The following ZNF3 variants were observed in gnomAD, a reference collection of about 807,000 sequenced individuals.
The protein encoded by ZNF3 is zinc finger protein 3, also known as C2-H2 type zinc finger protein.
Under a neutral mutation model 36.9 loss-of-function variants are expected in ZNF3, and 16 were observed. The observed-to-expected ratio is 0.43, with a 90% CI of 0.29 to 0.66. The LOEUF (loss-of-function observed/expected upper bound fraction) is 0.66, where lower values mean the gene tolerates loss of function less well. Among genes scored for constraint, ZNF3 ranks in the 30% least tolerant of loss-of-function variants. ZNF3 has a pLI of 0.13. For synonymous variants in ZNF3, 201 were observed against 201.9 expected (o/e 1.00, Z 0.04); for missense variants, 462 against 543.1 (o/e 0.85, Z 1.48).
Position 100,070,103 on chromosome 7 carries a change from C to T in ZNF3, c.*1040G>A, listed in dbSNP as rs1400716983. The stretch of plus-strand genomic sequence containing the variant: ...GGGGAGTGCCATCCTCACCCAGCAA[C>T]GAGCTCTGCTACCAGGCTCAGGCAC... On this transcript the variant is annotated 3_prime_UTR_variant, in exon 6 of 6. Coordinates refer to ENST00000299667, the MANE Select transcript of ZNF3 (RefSeq NM_032924.5). 4 of 985,628 alleles carry T rather than the reference C, an allele frequency of 4.1e-6. No homozygotes were observed. Among genetic ancestry groups the T allele is most frequent in the Admixed American group, 6.1e-5 (1 of 16,262 alleles). The allele number at this position is 985,628 out of a possible 1,614,324, so 61.1% of individuals were successfully genotyped here.
intron 3 of ZNF3, among the ~76,000 whole-genome samples, 167 bp from the exon 4 acceptor site, chr7:100,075,797 C>A (rs1461679819): frequency 6.6e-6 from 1 of 152,162 alleles, no homozygotes; most frequent in Non-Finnish European, 1.5e-5. Context: ...GTGTGTCCAA[C>A]AAAGGCAAAC....
chr7:100,075,079 A>T, intron 5 of ZNF3, 56 bp downstream of exon 5: 1 of 1,539,542 alleles, frequency 6.5e-7, no homozygotes, highest in Non-Finnish European at 8.7e-7. Flanking sequence ...TGTTACTAGC[A>T]AACGAAGAAG....
Position 100,070,558 on chromosome 7 carries a change from C to G in ZNF3, c.*585G>C, listed in dbSNP as rs908367030. On this transcript the variant is annotated 3_prime_UTR_variant, in exon 6 of 6. Transcript: ENST00000299667. Reference sequence around the variant, plus strand: ...AAACATGGTCTGGCTGCTCCAAGAGCCCTAAAGGACACCATCATCACAGAT... The same window carrying G: ...AAACATGGTCTGGCTGCTCCAAGAGGCCTAAAGGACACCATCATCACAGAT... 8 of 986,072 alleles carry G rather than the reference C, an allele frequency of 8.1e-6. No homozygotes were observed. Among genetic ancestry groups the G allele is most frequent in the Non-Finnish European group, 8.4e-6 (7 of 830,482 alleles). The allele number at this position is 986,072 out of a possible 1,614,324, so 61.1% of individuals were successfully genotyped here.
downstream of ZNF3, among the ~76,000 whole-genome samples, chr7:100,068,088 GGTT>G (rs1200775859): frequency 6.6e-6 from 1 of 152,028 alleles, no homozygotes; most frequent in Non-Finnish European, 1.5e-5. Context: ...GACATGGGCA[GGTT>G]TTTTTCTTCT....
At position 100,072,005 on chromosome 7, in the gene ZNF3, AC is replaced by A. The variant is rs760926524; in HGVS notation, c.478del (p.Val160LeufsTer5). ...RKMPDFGQVT[V>X]EEKLTPRGER... Reference sequence around the variant, plus strand: ...TCCCCTGGGGGTTAGCTTCTCCTCAACTGTCACTTGACCAAAATCTGGCATT... The same window carrying A: ...TCCCCTGGGGGTTAGCTTCTCCTCAATGTCACTTGACCAAAATCTGGCATT... On this transcript the variant is annotated frameshift_variant, in exon 6 of 6. Transcript: ENST00000299667. LOFTEE classifies it high-confidence loss of function. The A allele has an allele frequency of 6.2e-7, 1 of 1,613,948 alleles. No individual in the cohort carries two copies. The highest frequency in any genetic ancestry group is 8.5e-7 in the Non-Finnish European group (1 of 1,179,968).
In ZNF3 at chr7:100,071,038, A is replaced by G. The variant is rs1384969827; in HGVS notation, c.*105T>C. On this transcript the variant is annotated 3_prime_UTR_variant, in exon 6 of 6. Transcript: ENST00000299667. ...CCATCTGCCCCATTCTCTAAAATGA[A>G]AAGTCTGAGTTGAAAGGGACACATC... The G allele has an allele frequency of 2.7e-6, 4 of 1,495,606 alleles. No individual in the cohort carries two copies. Among genetic ancestry groups the G allele is most frequent in the Non-Finnish European group, 3.6e-6 (4 of 1,125,148 alleles). 92.6% of individuals were successfully genotyped at this position (1,495,606 alleles called of 1,614,324 possible).
At position 100,081,322 on chromosome 7, in the gene ZNF3, TAGC is replaced by T. The variant is rs1365438729; in HGVS notation, c.-198+310_-198+312del. Among the ~76,000 whole-genome samples, 1 of 152,220 alleles carries T rather than the reference TAGC, an allele frequency of 6.6e-6. No individual in the cohort carries two copies. On this transcript the variant is annotated intron_variant, in intron 1 of 5. Coordinates refer to ENST00000299667, the MANE Select transcript of ZNF3 (RefSeq NM_032924.5). The surrounding 1 kb of genome is among the most constrained non-coding windows in gnomAD (Gnocchi z 4.3). The stretch of plus-strand genomic sequence containing the variant: ...AATACCAAGTTAGGGTCGCTGTCAT[TAGC>T]TGCTTTCAAGAGAGAGGCGCCCCTA...
downstream of ZNF3, among the ~76,000 whole-genome samples, chr7:100,068,118 G>A (rs988426017): frequency 4.6e-5 from 7 of 151,882 alleles, no homozygotes; most frequent in East Asian, 2.0e-4. Flanking sequence ...AGACAGTCTC[G>A]CTCTGTCACC....
Position 100,070,168 on chromosome 7 carries a change from T to G in ZNF3, c.*975A>C, listed in dbSNP as rs558714644. 2 of 984,218 alleles carry G rather than the reference T, an allele frequency of 2.0e-6. No individual in the cohort carries two copies. Among genetic ancestry groups the G allele is most frequent in the Non-Finnish European group, 2.4e-6 (2 of 829,266 alleles). The allele number at this position is 984,218 out of a possible 1,614,324, so 61.0% of individuals were successfully genotyped here. On this transcript the variant is annotated 3_prime_UTR_variant, in exon 6 of 6. Coordinates refer to ENST00000299667, the MANE Select transcript of ZNF3 (RefSeq NM_032924.5). ...GGGCTTCGTTTTTTTGTTTTTTTGT[T>G]TTTTTTTTCTCCCTTTTGGGCTTTG...
At position 100,070,483 on chromosome 7, in the gene ZNF3, T is replaced by TC. The variant is rs1334697236; in HGVS notation, c.*659_*660insG. The TC allele has an allele frequency of 1.0e-6, 1 of 985,424 alleles. No individual in the cohort carries two copies. The highest frequency in any genetic ancestry group is 6.2e-5 in the Admixed American group (1 of 16,258). 61.0% of individuals were successfully genotyped at this position (985,424 alleles called of 1,614,324 possible). On this transcript the variant is annotated 3_prime_UTR_variant, in exon 6 of 6. Transcript: ENST00000299667. ...TTTGCCCATTCAGCCCCAGGACAAC[T>TC]GGGGGGGATGGCAGGGGGTCTGCTG...
chr7:100,069,611 A>G (rs1379267335), downstream of ZNF3, among the ~76,000 whole-genome samples: 2 of 151,090 alleles, frequency 1.3e-5, no homozygotes, highest in African/African-American at 2.4e-5. Flanking sequence ...AGTTACCAAC[A>G]TGTCTTGTCT....
intron 5 of ZNF3, among the ~76,000 whole-genome samples, chr7:100,073,953 C>T (rs1425323937): frequency 2.6e-5 from 4 of 151,724 alleles, no homozygotes; most frequent in African/African-American, 7.3e-5. Flanking sequence ...GTCAGGAGTT[C>T]GAGACCAGCC....
At chr7:100,080,046 A>G (rs1794743473) in intron 1 of ZNF3, among the ~76,000 whole-genome samples, 1 of 152,164 alleles carries the variant, frequency 6.6e-6, no homozygotes, top group Non-Finnish European at 1.5e-5. Flanking sequence ...AAGGAAAAAA[A>G]AGAGAATACT....
chr7:100,064,658 G>A (rs1287840403), exon 6 of ZNF3: 3 of 1,602,858 alleles, frequency 1.9e-6, no homozygotes, highest in Non-Finnish European at 2.6e-6. Flanking sequence ...TTAAACTTTA[G>A]AATCTGAAAA....
rs987530549 is a variant in ZNF3 at position 100,070,466 on chromosome 7, T to G, written c.*677A>C. ...CTAGCTGTTTGGACAGATTTGCCCA[T>G]TCAGCCCCAGGACAACTGGGGGGGA... On this transcript the variant is annotated 3_prime_UTR_variant, in exon 6 of 6. Transcript: ENST00000299667. 5 of 985,424 alleles carry G rather than the reference T, an allele frequency of 5.1e-6. No individual in the cohort carries two copies. Among genetic ancestry groups the G allele is most frequent in the Middle Eastern group, 5.2e-4 (1 of 1,938 alleles). The allele number at this position is 985,424 out of a possible 1,614,324, so 61.0% of individuals were successfully genotyped here.
At chr7:100,073,826 G>A (rs1478962677) in intron 5 of ZNF3, among the ~76,000 whole-genome samples, 2 of 151,868 alleles carry the variant, frequency 1.3e-5, no homozygotes, top group African/African-American at 4.8e-5. Flanking sequence ...AAAAGTCTCT[G>A]GATTATATAT....
exon 6 of ZNF3, chr7:100,064,815 C>T (rs780604631): frequency 2.5e-6 from 4 of 1,614,160 alleles, no homozygotes; most frequent in Non-Finnish European, 2.5e-6. Flanking sequence ...GTTCCACACT[C>T]GCCAGTTCAC....
At chr7:100,064,935 G>T (rs749292009) in intron 5 of ZNF3, 5 of 1,610,576 alleles carry the variant, frequency 3.1e-6, no homozygotes, top group South Asian at 1.1e-5. Flanking sequence ...GAAACATTAA[G>T]ATTGTTTAAT....
rs984660855 is a variant in ZNF3, at chr7:100,070,392, T to A, written c.*751A>T. On this transcript the variant is annotated 3_prime_UTR_variant, in exon 6 of 6. Transcript: ENST00000299667. ...GGAAGAGGACAAGAGAGGACAGCAA[T>A]CAGAGGCCAACGCTAAGTGCTTCTG... 1.0e-6 allele frequency: 1 copy of A among 985,310 alleles called. No homozygotes were observed. The highest frequency in any genetic ancestry group is 1.2e-6 in the Non-Finnish European group (1 of 829,984). 61.0% of individuals were successfully genotyped at this position (985,310 alleles called of 1,614,324 possible).
Sources: gnomAD v4.1 joint callset for allele counts (sites outside exome capture counted in the v4.1 genomes callset) on GRCh38, gnomAD v4.1.1 for gene constraint, Gnocchi (gnomAD v3.1) non-coding constraint, MANE v1.5 for transcripts, NCBI Gene and HGNC (gene_info 2026-07-23, HGNC 2026-07-21) for gene names.